Variants in FRMPD4 observed in about 807,000 individuals in gnomAD.
FRMPD4 encodes FERM and PDZ domain-containing protein 4.
FRMPD4 carries 22 observed loss-of-function variants against 94.1 expected under a neutral mutation model. The observed-to-expected ratio is 0.23, with a 90% confidence interval of 0.17 to 0.33. The LOEUF is 0.33. Ranked by LOEUF, FRMPD4 falls within the 10% of genes least tolerant of loss-of-function variation. The pLI is 1.00. For synonymous variants in FRMPD4, 631 were observed against 548.6 expected (o/e 1.15, Z -2.10); for missense variants, 1,111 against 1,339.9 (o/e 0.83, Z 2.67).
chrX:12,690,249 T>G lies in FRMPD4; in HGVS notation c.736T>G (p.Ser246Ala), dbSNP rs1310726639. The change falls in exon 8 of 17, where the codon TCT (serine) becomes GCT (alanine). Residue 246 changes from serine (S) to alanine (A), a missense_variant. By Grantham distance (99) the Ser-to-Ala change is moderately conservative (BLOSUM62 1). Transcript: ENST00000675598. ...CTCCATCAAAGGCATTGAACACTTC[T>G]CTCTCATGCTGGAGCAGAGGACAGA... ...KLSIKGIEHF[S>A]LMLEQRTEGA... 8.3e-7 allele frequency: 1 copy of G among 1,201,879 alleles called. No homozygotes were observed. The highest frequency in any genetic ancestry group is 1.1e-6 in the Non-Finnish European group (1 of 886,703).
chrX:12,518,541 G>A (rs1328244434), intron 2 of FRMPD4, among the ~76,000 whole-genome samples: 1 of 111,676 alleles, frequency 9.0e-6, no homozygotes, highest in Non-Finnish European at 1.9e-5. Context: ...AAAACACTCA[G>A]CAAACTAATA....
chrX:12,418,913 A>G (rs1350659244), intron 1 of FRMPD4, among the ~76,000 whole-genome samples: 1 of 111,831 alleles, frequency 8.9e-6, no homozygotes, highest in Non-Finnish European at 1.9e-5. Flanking sequence ...ATAATTCTTC[A>G]TGAATTTCAG....
intron 1 of FRMPD4, among the ~76,000 whole-genome samples, chrX:12,235,965 G>T (rs1244654558): frequency 9.0e-6 from 1 of 111,539 alleles, no homozygotes; most frequent in Non-Finnish European, 1.9e-5. Context: ...TTTAACAAAT[G>T]TCAGCCACTT....
At chrX:11,984,101 A>C (rs2054413110) in intron 3 of FRMPD4, among the ~76,000 whole-genome samples, 1 of 112,402 alleles carries the variant, frequency 8.9e-6, no homozygotes, top group Admixed American at 9.4e-5. Flanking sequence ...AAACTCTCCC[A>C]AAATTGCCTT....
At chrX:12,554,441 C>G (rs1011545468) in intron 2 of FRMPD4, among the ~76,000 whole-genome samples, 8 of 111,687 alleles carry the variant, frequency 7.2e-5, no homozygotes, top group African/African-American at 2.6e-4. Context: ...TAGCCATGAC[C>G]TATTATTGAC....
intron 3 of FRMPD4, among the ~76,000 whole-genome samples, chrX:12,056,724 A>G (rs1201854275): frequency 3.6e-5 from 4 of 112,023 alleles, no homozygotes; most frequent in Admixed American, 9.5e-5. Context: ...TTAATAAAAT[A>G]TAGATGTGTC....
At chrX:12,263,043 G>T (rs5979557) in intron 1 of FRMPD4, among the ~76,000 whole-genome samples, 57,797 of 109,918 alleles carry the variant, frequency 0.53, 11,928 homozygotes, top group African/African-American at 0.75. Flanking sequence ...TCTACAAGAG[G>T]GAGTTTCTTC....
At chrX:12,522,896 C>A (rs2058180221) in intron 2 of FRMPD4, among the ~76,000 whole-genome samples, 1 of 112,035 alleles carries the variant, frequency 8.9e-6, no homozygotes, top group South Asian at 3.8e-4. Context: ...AGCCACCGCG[C>A]CCAGCTGGCA....
intron 2 of FRMPD4, among the ~76,000 whole-genome samples, chrX:12,593,682 T>C (rs920261231): frequency 2.7e-5 from 3 of 111,857 alleles, no homozygotes; most frequent in African/African-American, 9.7e-5. Flanking sequence ...TCCTTCAGGC[T>C]TTTTATTGAA....
At chrX:12,474,165 C>G (rs191084975) in intron 1 of FRMPD4, among the ~76,000 whole-genome samples, 1,498 of 108,601 alleles carry the variant, frequency 0.014, 110 homozygotes, top group African/African-American at 0.048. Flanking sequence ...GAAACTCACT[C>G]AAAACCAACT....
At chrX:12,194,426 TAA>T (rs201495273) in intron 1 of FRMPD4, among the ~76,000 whole-genome samples, 20 of 100,855 alleles carry the variant, frequency 2.0e-4, no homozygotes, top group African/African-American at 2.5e-4. Context: ...TTCTAGTTAT[TAA>T]AAAAAAAAAA....
intron 1 of FRMPD4, among the ~76,000 whole-genome samples, chrX:12,247,471 T>A (rs1352102261): frequency 1.8e-5 from 2 of 112,069 alleles, no homozygotes; most frequent in Non-Finnish European, 3.8e-5. Flanking sequence ...ATGGATATGA[T>A]ATATTACTTG....
intron 1 of FRMPD4, among the ~76,000 whole-genome samples, chrX:12,405,078 A>C (rs1345047589): frequency 9.0e-6 from 1 of 111,671 alleles, no homozygotes; most frequent in Non-Finnish European, 1.9e-5. Flanking sequence ...AACCAATTAA[A>C]TCATAATGTC....
At chrX:12,447,577 G>A (rs2057213142) in intron 1 of FRMPD4, among the ~76,000 whole-genome samples, 1 of 112,200 alleles carries the variant, frequency 8.9e-6, no homozygotes, top group Admixed American at 9.4e-5. Flanking sequence ...CAACTTTTCT[G>A]AGTCAGATGG....
At chrX:11,969,715 T>C (rs2054330234) in intron 3 of FRMPD4, among the ~76,000 whole-genome samples, 1 of 111,807 alleles carries the variant, frequency 8.9e-6, no homozygotes, top group Admixed American at 9.5e-5. Flanking sequence ...ATTAGGGAGG[T>C]ACAGGAAGCC....
At position 12,669,839 on chromosome X, in the gene FRMPD4, C is replaced by T. The variant is rs143929649; in HGVS notation, c.423-5024C>T. ...TAGAATGAGTGCAGCCCAGCTGACA[C>T]CTTGATTTTAGCCCAGCAAAACTCA... is the stretch of plus-strand genomic sequence containing the variant. On this transcript the variant is annotated intron_variant, in intron 4 of 16. Coordinates refer to ENST00000675598, the MANE Select transcript of FRMPD4 (RefSeq NM_001368397.1). 2.7e-3 allele frequency among the ~76,000 whole-genome samples: 304 copies of T among 112,159 alleles called. 1 individual carries two copies. Among genetic ancestry groups the T allele is most frequent in the African/African-American group, 9.4e-3 (291 of 30,928 alleles).
At chrX:12,182,581 T>TAAATAA (rs199773710) in intron 1 of FRMPD4, among the ~76,000 whole-genome samples, 41 of 94,961 alleles carry the variant, frequency 4.3e-4, no homozygotes, top group African/African-American at 6.5e-4. Flanking sequence ...TAAATAAATA[T>TAAATAA]ATATATATAT....
At chrX:11,910,379 C>T (rs915781200) in intron 3 of FRMPD4, among the ~76,000 whole-genome samples, 14 of 111,882 alleles carry the variant, frequency 1.3e-4, no homozygotes, top group Non-Finnish European at 2.4e-4. Flanking sequence ...TATATAAACA[C>T]GAACAAAATA....
chrX:12,294,098 A>G (rs952398928), intron 1 of FRMPD4, among the ~76,000 whole-genome samples: 1 of 110,937 alleles, frequency 9.0e-6, no homozygotes, highest in Non-Finnish European at 1.9e-5. Flanking sequence ...CCTGGTGTCT[A>G]TTATTCAAAA....
Sources: allele counts gnomAD v4.1 joint callset (sites outside exome capture counted in the v4.1 genomes callset), GRCh38; gene constraint gnomAD v4.1.1; transcripts MANE v1.5; gene names NCBI Gene and HGNC (gene_info 2026-07-23, HGNC 2026-07-21).